Variants in SULT2B1 observed in about 807,000 individuals in gnomAD.
SULT2B1 encodes the protein sulfotransferase 2B1.
In SULT2B1, 16 loss-of-function variants were observed where a neutral mutation model predicts 33.2. The ratio of observed to expected loss-of-function variants is 0.48; its 90% CI spans 0.33 to 0.73. The LOEUF (loss-of-function observed/expected upper bound fraction) is 0.73, where lower values mean the gene tolerates loss of function less well. Among genes scored for constraint, SULT2B1 ranks in the 30% least tolerant of loss-of-function variants. SULT2B1 has a pLI of 0.02. For synonymous variants in SULT2B1, 186 were observed against 200.5 expected (o/e 0.93, Z 0.61); for missense variants, 500 against 506.0 (o/e 0.99, Z 0.11).
Position 48,575,976 on chromosome 19 carries a change from G to T in SULT2B1, c.107G>T (p.Gly36Val). 2 of 1,613,888 alleles carry T rather than the reference G, an allele frequency of 1.2e-6. No homozygotes were observed. Among genetic ancestry groups the T allele is most frequent in the Non-Finnish European group, 1.7e-6 (2 of 1,179,894 alleles). Residue 36 changes from glycine (G) to valine (V), a missense_variant, in exon 2 of 7, where the codon GGC (glycine) becomes GTC (valine). Gly to Val is a moderately radical substitution (Grantham distance 109). Coordinates refer to ENST00000201586, the MANE Select transcript of SULT2B1 (RefSeq NM_177973.2). ...CCAGGTGAATACTTCCGGTACAAGG[G>T]CGTCCCCTTCCCCGTCGGCCTGTAC... ...KLPGEYFRYKGVPFPVGLYSL... is the reference protein window; with the variant it reads ...KLPGEYFRYKVVPFPVGLYSL...
In SULT2B1 at chr19:48,594,538, G is replaced by A. The variant is rs1252431971; in HGVS notation, c.645+1722G>A. On this transcript the variant is annotated intron_variant, in intron 5 of 6. Coordinates refer to ENST00000201586, the MANE Select transcript of SULT2B1 (RefSeq NM_177973.2). Reference sequence around the variant, plus strand: ...TCCAAACCCAGAACTGGGCCACAGAGCCTAACAGCTTCTGGGCTGCCCCTG... The same window carrying A: ...TCCAAACCCAGAACTGGGCCACAGAACCTAACAGCTTCTGGGCTGCCCCTG... Among the ~76,000 whole-genome samples the A allele has an allele frequency of 3.3e-5, 5 of 152,324 alleles. No homozygotes were observed. The East Asian group carries it at 9.6e-4, about 29-fold the overall frequency.
chr19:48,594,142 C>T (rs1601113210), intron 5 of SULT2B1, among the ~76,000 whole-genome samples: 1 of 151,640 alleles, frequency 6.6e-6, no homozygotes, highest in African/African-American at 2.4e-5. Flanking sequence ...GCGCCTGTAG[C>T]CCCAGCTACT....
intron 3 of SULT2B1, among the ~76,000 whole-genome samples, chr19:48,588,627 T>C (rs986662279): frequency 1.5e-4 from 23 of 151,156 alleles, no homozygotes; most frequent in South Asian, 6.2e-4. Flanking sequence ...TAATGCAATA[T>C]AATATAATAC....
intron 1 of SULT2B1, among the ~76,000 whole-genome samples, chr19:48,557,430 C>T (rs562382848): frequency 6.6e-6 from 1 of 151,968 alleles, no homozygotes; most frequent in Non-Finnish European, 1.5e-5. Context: ...GTCCCAGCTA[C>T]TGGAGAGGCT....
At chr19:48,581,787 C>T (rs938256632) in intron 2 of SULT2B1, among the ~76,000 whole-genome samples, 24 of 151,056 alleles carry the variant, frequency 1.6e-4, no homozygotes, top group Non-Finnish European at 3.4e-4. Context: ...GAGTACAGAT[C>T]CTTGATCAGA....
chr19:48,578,241 A>G (rs1453547600), intron 2 of SULT2B1, among the ~76,000 whole-genome samples: 2 of 151,988 alleles, frequency 1.3e-5, no homozygotes, highest in Non-Finnish European at 2.9e-5. Flanking sequence ...CAATTCAATG[A>G]CTTTGCCATG....
At chr19:48,595,054 G>A (rs982719597) in intron 5 of SULT2B1, among the ~76,000 whole-genome samples, 3 of 151,768 alleles carry the variant, frequency 2.0e-5, no homozygotes, top group African/African-American at 7.3e-5. Flanking sequence ...AGGCCGAAGT[G>A]AGCAGATCAC....
At chr19:48,579,759 A>G (rs536446310) in intron 2 of SULT2B1, among the ~76,000 whole-genome samples, 82 of 150,914 alleles carry the variant, frequency 5.4e-4, no homozygotes, top group African/African-American at 2.0e-3. Context: ...GGCACCTGCC[A>G]CCACGCCCAG....
At chr19:48,563,113 C>G (rs1269618091) in intron 1 of SULT2B1, among the ~76,000 whole-genome samples, 1 of 151,960 alleles carries the variant, frequency 6.6e-6, no homozygotes, top group Non-Finnish European at 1.5e-5. Context: ...CAGGGTCTTG[C>G]TATGTTGCCC....
At position 48,599,329 on chromosome 19, in the gene SULT2B1, C is replaced by T. The variant is rs1384780360; in HGVS notation, c.1021C>T (p.Arg341Cys). 7 of 1,599,434 alleles carry T rather than the reference C, an allele frequency of 4.4e-6. No individual in the cohort carries two copies. The highest frequency in any genetic ancestry group is 2.7e-5 in the African/African-American group (2 of 74,766). Residue 341 changes from arginine (R) to cysteine (C), a missense_variant, in exon 7 of 7, where the codon CGT (arginine) becomes TGT (cysteine). Arg to Cys is a radical substitution (Grantham distance 180). Coordinates refer to ENST00000201586, the MANE Select transcript of SULT2B1 (RefSeq NM_177973.2). The surrounding 1 kb of genome is among the most constrained non-coding windows in gnomAD (Gnocchi z 4.1). Reference sequence around the variant, plus strand: ...CCTTGAGCCCAACACCAGCCTGGAGCGTGAGCCCAGACCCAACTCCAGCCC... The same window carrying T: ...CCTTGAGCCCAACACCAGCCTGGAGTGTGAGCCCAGACCCAACTCCAGCCC... ...PSLEPNTSLEREPRPNSSPSP... is the reference protein window; with the variant it reads ...PSLEPNTSLECEPRPNSSPSP...
intron 2 of SULT2B1, among the ~76,000 whole-genome samples, chr19:48,582,134 A>C (rs989297859): frequency 6.7e-6 from 1 of 149,456 alleles, no homozygotes; most frequent in South Asian, 2.1e-4. Context: ...CGAACCCCTG[A>C]CCTCAGGAGA....
At chr19:48,562,798 G>C (rs1206540671) in intron 1 of SULT2B1, among the ~76,000 whole-genome samples, 2 of 151,894 alleles carry the variant, frequency 1.3e-5, no homozygotes, top group Non-Finnish European at 2.9e-5. Flanking sequence ...TCTTGCCTCA[G>C]CCTCCCAAGT....
chr19:48,566,754 A>G (rs1973247600), intron 1 of SULT2B1, among the ~76,000 whole-genome samples: 1 of 152,034 alleles, frequency 6.6e-6, no homozygotes. Flanking sequence ...AGATGGGAGA[A>G]TCACTTGAAC....
rs770576995 is a variant in SULT2B1, at chr19:48,587,383, C to T, written c.369C>T (p.Ser123=). 6 of 1,614,044 alleles carry T rather than the reference C, an allele frequency of 3.7e-6. No homozygotes were observed. In the Admixed American group the frequency reaches 5.0e-5, roughly 13 times the overall value. The change falls in exon 3 of 7, where the codon AGC becomes AGT. Residue 123 remains serine (S), a synonymous_variant. Transcript: ENST00000201586. ...LPDQYSPRLM[S]SHLPIQIFTK... The stretch of plus-strand genomic sequence containing the variant: ...ACCAGTACAGCCCCCGCCTCATGAG[C>T]TCCCATCTTCCCATCCAGATCTTCA...
rs563547087 is a variant in SULT2B1, at chr19:48,593,686, G to A, written c.645+870G>A. ...TTTCGCTCTTGTGGCCCAGGATGGA[G>A]TGCAATGGCATGATCTCGGCTCACC... On this transcript the variant is annotated intron_variant, in intron 5 of 6. Coordinates refer to ENST00000201586, the MANE Select transcript of SULT2B1 (RefSeq NM_177973.2). 8.6e-5 allele frequency among the ~76,000 whole-genome samples: 13 copies of A among 151,446 alleles called. No homozygotes were observed. The South Asian group carries it at 1.5e-3, about 17-fold the overall frequency.
intron 1 of SULT2B1, among the ~76,000 whole-genome samples, chr19:48,574,540 G>A (rs1290020754): frequency 6.6e-6 from 1 of 152,234 alleles, no homozygotes; most frequent in Non-Finnish European, 1.5e-5. Flanking sequence ...TCAAGGAGCT[G>A]TTGGCCAGAT....
intron 1 of SULT2B1, among the ~76,000 whole-genome samples, chr19:48,555,177 G>A (rs1973082097): frequency 1.3e-5 from 2 of 149,816 alleles, no homozygotes; most frequent in African/African-American, 2.5e-5. Context: ...CTACAACCTC[G>A]GCCTCCCAGG....
chr19:48,599,167 G>T lies in SULT2B1; in HGVS notation c.859G>T (p.Val287Leu). ...CGGCGACTGGAAGAACCACTTCACG[G>T]TGGCCCAGAGCGAAGCCTTCGATCG... ...VCGDWKNHFT[V>L]AQSEAFDRAY... The change falls in exon 7 of 7, where the codon GTG (valine) becomes TTG (leucine). Residue 287 changes from valine (V) to leucine (L), a missense_variant. By Grantham distance (32) the Val-to-Leu change is conservative. Transcript: ENST00000201586. This position sits in a 1 kb window ranked among gnomAD's most constrained non-coding sequence, Gnocchi z 4.1. 6.3e-7 allele frequency: 1 copy of T among 1,595,336 alleles called. No individual in the cohort carries two copies. The highest frequency in any genetic ancestry group is 8.5e-7 in the Non-Finnish European group (1 of 1,174,272).
At chr19:48,571,322 G>A (rs564063833) in intron 1 of SULT2B1, among the ~76,000 whole-genome samples, 27 of 151,706 alleles carry the variant, frequency 1.8e-4, no homozygotes, top group Middle Eastern at 3.4e-3. Context: ...TCAGCCTCCC[G>A]AGTAGCTGAG....
Sources: allele counts gnomAD v4.1 joint callset (sites outside exome capture counted in the v4.1 genomes callset), GRCh38; gene constraint gnomAD v4.1.1; non-coding constraint Gnocchi (gnomAD v3.1); transcripts MANE v1.5; gene names NCBI Gene and HGNC (gene_info 2026-07-23, HGNC 2026-07-21).